Variants in TENM3 observed in about 807,000 individuals in gnomAD.
TENM3 encodes the protein teneurin-3.
TENM3 carries 63 observed loss-of-function variants against 255.1 expected under a neutral mutation model. That is an observed-to-expected ratio of 0.25 (90% CI 0.20 to 0.30). TENM3 has a LOEUF of 0.30. TENM3 is among the 10% of genes least tolerant of loss of function. The pLI is 1.00. For missense variants in TENM3, 2,929 were observed against 3,461.1 expected, an observed-to-expected ratio of 0.85 and a Z score of 3.86; for synonymous variants, 1,306 against 1,322.3, an observed-to-expected ratio of 0.99 and a Z score of 0.27.
intron 3 of TENM3, among the ~76,000 whole-genome samples, chr4:182,498,384 A>G (rs552929905): frequency 6.6e-6 from 1 of 152,300 alleles, no homozygotes; most frequent in South Asian, 2.1e-4. Context: ...AAATTTGTGT[A>G]CATTGTGGAA....
intron 2 of TENM3, among the ~76,000 whole-genome samples, chr4:182,332,386 AC>A (rs1763816434): frequency 6.6e-6 from 1 of 152,148 alleles, no homozygotes; most frequent in African/African-American, 2.4e-5. Flanking sequence ...ATAGGAATAT[AC>A]TATATATTTA....
chr4:182,253,864 T>TA (rs202046053), intron 1 of TENM3, among the ~76,000 whole-genome samples: 3,365 of 152,002 alleles, frequency 0.022, 69 homozygotes, highest in South Asian at 0.031. Flanking sequence ...GTAAATGCCT[T>TA]AAAAAAAATA....
At chr4:181,857,441 G>T in the TENM3 span, among the ~76,000 whole-genome samples, 1 of 151,772 alleles carries the variant, frequency 6.6e-6, no homozygotes, top group African/African-American at 2.4e-5. Flanking sequence ...TTGGCCAGGT[G>T]CAGTGGCTCA....
rs531270660 is a variant in TENM3 at position 182,162,028 on chromosome 4, C to T, written c.-76+17274C>T. On this transcript the variant is annotated intron_variant, in intron 1 of 2. Transcript: ENST00000512480. ...AACATACATCCACTAATGTATTAGT[C>T]GGTTCAATGGATTTCTTTCTTTTTT... Among the ~76,000 whole-genome samples the T allele has an allele frequency of 1.5e-3, 202 of 134,060 alleles. 3 individuals carry two copies. The highest frequency in any genetic ancestry group is 2.6e-3 in the Non-Finnish European group (171 of 64,900). 87.9% of individuals were successfully genotyped at this position (134,060 alleles called of 152,430 possible).
chr4:182,463,266 C>T (rs112317939), intron 3 of TENM3, among the ~76,000 whole-genome samples: 1,906 of 152,106 alleles, frequency 0.013, 11 homozygotes, highest in Admixed American at 0.02. Flanking sequence ...AAAAAAAACT[C>T]GGTGTTACTC....
chr4:182,256,120 T>C (rs1179786158), intron 1 of TENM3, among the ~76,000 whole-genome samples: 5 of 152,252 alleles, frequency 3.3e-5, no homozygotes, highest in Admixed American at 1.3e-4. Context: ...AAAATGATGA[T>C]GTTCTTCACT....
chr4:182,129,107 G>T, the TENM3 span, among the ~76,000 whole-genome samples: 62,101 of 152,016 alleles, frequency 0.41, 12,886 homozygotes, highest in Admixed American at 0.5. Context: ...GCAACAGACA[G>T]CTAGCGCTGT....
At chr4:182,441,233 G>A (rs1388200483) in intron 3 of TENM3, among the ~76,000 whole-genome samples, 4 of 152,048 alleles carry the variant, frequency 2.6e-5, no homozygotes, top group Non-Finnish European at 4.4e-5. Context: ...CTAAAATAAT[G>A]ACCTTGAACT....
At chr4:182,775,388 A>G (rs937971640) in intron 24 of TENM3, among the ~76,000 whole-genome samples, 3 of 152,182 alleles carry the variant, frequency 2.0e-5, no homozygotes, top group African/African-American at 7.2e-5. Flanking sequence ...ACTAGAGGGA[A>G]AAGGAGATCA....
At chr4:181,848,745 A>G in the TENM3 span, among the ~76,000 whole-genome samples, 1 of 152,222 alleles carries the variant, frequency 6.6e-6, no homozygotes, top group Non-Finnish European at 1.5e-5. Flanking sequence ...AAATAAATTG[A>G]GGGATGTAAG....
At chr4:182,181,464 G>A (rs1752836314) in intron 1 of TENM3, among the ~76,000 whole-genome samples, 1 of 152,172 alleles carries the variant, frequency 6.6e-6, no homozygotes, top group South Asian at 2.1e-4. Context: ...TTAGTGAGGA[G>A]ATCAAAACCA....
the TENM3 span, among the ~76,000 whole-genome samples, chr4:181,970,699 T>C: frequency 6.6e-6 from 1 of 152,190 alleles, no homozygotes; most frequent in Non-Finnish European, 1.5e-5. Flanking sequence ...CCTCCCCACT[T>C]GGATTTTTGT....
At chr4:181,972,342 C>T in the TENM3 span, among the ~76,000 whole-genome samples, 1 of 149,096 alleles carries the variant, frequency 6.7e-6, no homozygotes, top group African/African-American at 2.5e-5. Flanking sequence ...TTACTCGAGC[C>T]AGAGAGGTCA....
intron 1 of TENM3, among the ~76,000 whole-genome samples, chr4:182,198,965 T>C (rs1317941194): frequency 6.6e-6 from 1 of 152,110 alleles, no homozygotes; most frequent in Admixed American, 6.5e-5. Flanking sequence ...AAAGAAGAAG[T>C]AGGCCCTTGC....
intron 3 of TENM3, among the ~76,000 whole-genome samples, chr4:182,550,347 C>T (rs921139419): frequency 6.6e-6 from 1 of 152,036 alleles, no homozygotes; most frequent in African/African-American, 2.4e-5. Context: ...AGATGTAATC[C>T]ACAGAATAAT....
the TENM3 span, among the ~76,000 whole-genome samples, chr4:181,702,923 T>TG: frequency 6.6e-6 from 1 of 152,068 alleles, no homozygotes; most frequent in Non-Finnish European, 1.5e-5. Context: ...CTGGCCAGTA[T>TG]GAAAAAAAAG....
chr4:182,226,609 CT>C (rs1246843497), intron 1 of TENM3, among the ~76,000 whole-genome samples: 1 of 152,154 alleles, frequency 6.6e-6, no homozygotes, highest in African/African-American at 2.4e-5. Flanking sequence ...CTCTTGGTGT[CT>C]ACAGGATGGA....
At chr4:182,292,283 G>A (rs1466970674) in intron 1 of TENM3, among the ~76,000 whole-genome samples, 1 of 152,146 alleles carries the variant, frequency 6.6e-6, no homozygotes, top group Non-Finnish European at 1.5e-5. Context: ...CATGATTGGG[G>A]TGATGTTATT....
intron 3 of TENM3, among the ~76,000 whole-genome samples, chr4:182,560,410 G>A (rs527935914): frequency 2.0e-5 from 3 of 152,020 alleles, no homozygotes; most frequent in African/African-American, 7.3e-5. Context: ...CAAAACTTTC[G>A]TTATTCCCTC....
Sources: allele counts gnomAD v4.1 joint callset (sites outside exome capture counted in the v4.1 genomes callset), GRCh38; gene constraint gnomAD v4.1.1; transcripts MANE v1.5; gene names NCBI Gene and HGNC (gene_info 2026-07-23, HGNC 2026-07-21).